Variants in LTBP4 observed in about 807,000 individuals in gnomAD.
LTBP4 encodes the protein latent transforming growth factor beta binding protein 4.
A neutral mutation model predicts 180.2 loss-of-function variants in LTBP4; 93 were observed. The ratio of observed to expected loss-of-function variants is 0.52; its 90% CI spans 0.44 to 0.61. The LOEUF is 0.61. Among genes scored for constraint, LTBP4 ranks in the 20% least tolerant of loss-of-function variants. The pLI is 0.00. For missense variants in LTBP4, 2,116 were observed against 2,256.5 expected (o/e 0.94, Z 1.26); for synonymous variants, 947 against 934.5 (o/e 1.01, Z -0.24).
At chr19:40,625,317 T>TATATATATATATATA (rs2081625536) in intron 26 of LTBP4, among the ~76,000 whole-genome samples, 1 of 38,136 alleles carries the variant, frequency 2.6e-5, no homozygotes, top group Non-Finnish European at 4.2e-5. Context: ...TATATATATA[T>TATATATATATATATA]TTTTTTTTTT....
chr19:40,617,566 C>T (rs553964890), intron 21 of LTBP4, among the ~76,000 whole-genome samples: 1 of 151,384 alleles, frequency 6.6e-6, no homozygotes, highest in East Asian at 1.9e-4. Context: ...ATTGCCTGAA[C>T]CCAAGAGGTG....
chr19:40,599,164 G>T (rs779042830), upstream of LTBP4: 1 of 1,579,162 alleles, frequency 6.3e-7, no homozygotes. Flanking sequence ...GGGGTGCTAG[G>T]GGCCTGAGTG....
rs993523285 is a variant in LTBP4 at position 40,605,646 on chromosome 19, A to C, written c.684A>C (p.Gly228=). Residue 228 remains glycine, a synonymous_variant, in exon 3 of 30, where the codon GGA becomes GGC. Transcript: ENST00000396819. This position sits in a 1 kb window ranked among gnomAD's most constrained non-coding sequence, Gnocchi z 5.5. ...GTTACTGCTTTCGGGAGCTGCGCGG[A>C]GGCGAAGTGAGAGGAGGCCCGTGGG... ...GFGYCFRELR[G]GECASPLPGL... 6.4e-7 allele frequency: 1 copy of C among 1,569,718 alleles called. No homozygotes were observed. The highest frequency in any genetic ancestry group is 8.6e-7 in the Non-Finnish European group (1 of 1,158,230).
chr19:40,605,903 GCCCTAGAT>G lies in LTBP4; in HGVS notation c.793+73_793+80del, dbSNP rs1358546720. 2 of 1,457,434 alleles carry G rather than the reference GCCCTAGAT, an allele frequency of 1.4e-6. No individual in the cohort carries two copies. Among genetic ancestry groups the G allele is most frequent in the Non-Finnish European group, 1.8e-6 (2 of 1,085,636 alleles). 90.3% of individuals were successfully genotyped at this position (1,457,434 alleles called of 1,614,324 possible). On this transcript the variant is annotated intron_variant, in intron 4 of 29. Coordinates refer to ENST00000396819, the MANE Select transcript of LTBP4 (RefSeq NM_001042545.2). The surrounding 1 kb of genome is among the most constrained non-coding windows in gnomAD (Gnocchi z 5.5). ...ACAACCTCACCGTTCCTCCTACTCT[GCCCTAGAT>G]AAACCCAGTTCACAAATTGTAGCCA...
At chr19:40,625,800 C>T in intron 26 of LTBP4, 57 bp from the exon 27 acceptor site, 1 of 1,450,890 alleles carries the variant, frequency 6.9e-7, no homozygotes, top group Non-Finnish European at 9.1e-7. Context: ...AAGGGTCCAG[C>T]CCCTGGGAGG....
upstream of LTBP4, chr19:40,597,304 G>T: frequency 6.6e-7 from 1 of 1,524,612 alleles, no homozygotes; most frequent in Non-Finnish European, 8.8e-7. Context: ...CTTCGCAGCC[G>T]CCACCTCCGC....
At position 40,613,485 on chromosome 19, in the gene LTBP4, G is replaced by C; in HGVS notation, c.2513G>C (p.Cys838Ser). 3.8e-6 allele frequency: 6 copies of C among 1,589,346 alleles called. No individual in the cohort carries two copies. Among genetic ancestry groups the C allele is most frequent in the Non-Finnish European group, 5.1e-6 (6 of 1,168,650 alleles). Residue 838 changes from cysteine to serine, a missense_variant, in exon 17 of 30, where the codon TGT becomes TCT. Transcript: ENST00000396819. This position sits in a 1 kb window ranked among gnomAD's most constrained non-coding sequence, Gnocchi z 5.0. Reference sequence around the variant, plus strand: ...ACTGACGGCTCCTTTGCCTGTACTTGTGCCCCTGGCTACCGACCCGGACCC... The same window carrying C: ...ACTGACGGCTCCTTTGCCTGTACTTCTGCCCCTGGCTACCGACCCGGACCC... ...LNTDGSFACT[C>S]APGYRPGPRG...
upstream of LTBP4, chr19:40,601,355 G>A: frequency 8.9e-7 from 1 of 1,117,742 alleles, no homozygotes; most frequent in South Asian, 4.2e-5. Context: ...GGCGGGCTGG[G>A]GCGGCGGCGC....
rs1012178133 is a variant in LTBP4 at position 40,610,909 on chromosome 19, C to T, written c.1811-243C>T. ...GAGGAGGGATGGAGATGTCAGTAAT[C>T]GGGTAAGGGGAGCAGAGTTATGGAG... On this transcript the variant is annotated intron_variant, in intron 12 of 29. Transcript: ENST00000396819. The T allele has an allele frequency of 1.5e-5, 11 of 712,524 alleles. No individual in the cohort carries two copies. The Admixed American group carries it at 1.8e-4, about 12-fold the overall frequency. The allele number at this position is 712,524 out of a possible 1,614,324, so 44.1% of individuals were successfully genotyped here.
Position 40,611,162 on chromosome 19 carries a change from A to C in LTBP4, c.1821A>C (p.Glu607Asp). 1 of 1,612,744 alleles carries C rather than the reference A, an allele frequency of 6.2e-7. No individual in the cohort carries two copies. Among genetic ancestry groups the C allele is most frequent in the Non-Finnish European group, 8.5e-7 (1 of 1,179,464 alleles). The change falls in exon 13 of 30, where the codon GAA becomes GAC. Residue 607 changes from glutamate to aspartate, a missense_variant. Physicochemically the swap from Glu to Asp is conservative, Grantham distance 45. This residue lies in a region of LTBP4 where 877 missense variants were observed against 873.6 expected (regional missense o/e 1.00). Transcript: ENST00000396819. This position sits in a 1 kb window ranked among gnomAD's most constrained non-coding sequence, Gnocchi z 4.4. ...PHGASCQDVDECTQSPGLCGR... is the reference protein window; with the variant it reads ...PHGASCQDVDDCTQSPGLCGR... ...CCCTGCCCTGTGCAGATGTGGATGA[A>C]TGCACCCAGAGCCCAGGCCTGTGTG...
chr19:40,620,906 C>T (rs2081582215), intron 22 of LTBP4, among the ~76,000 whole-genome samples: 1 of 151,884 alleles, frequency 6.6e-6, no homozygotes, highest in South Asian at 2.1e-4. Flanking sequence ...ACAAATGATC[C>T]CGTCACCCAG....
At position 40,613,376 on chromosome 19, in the gene LTBP4, A is replaced by G; in HGVS notation, c.2432-28A>G. The G allele has an allele frequency of 1.3e-6, 2 of 1,598,684 alleles. No homozygotes were observed. The highest frequency in any genetic ancestry group is 1.7e-6 in the Non-Finnish European group (2 of 1,174,054). ...CTTGTCTGGGAGGCCGGGTCCCGTGACTCCGCCCAATCTCCCGCGTACCCT... is the reference window on the plus strand; with the variant it reads ...CTTGTCTGGGAGGCCGGGTCCCGTGGCTCCGCCCAATCTCCCGCGTACCCT... On this transcript the variant is annotated intron_variant, in intron 16 of 29. Transcript: ENST00000396819. This position sits in a 1 kb window ranked among gnomAD's most constrained non-coding sequence, Gnocchi z 5.0.
rs73931324 is a variant in LTBP4 at position 40,605,889 on chromosome 19, G to A, written c.793+58G>A. On this transcript the variant is annotated intron_variant, in intron 4 of 29. Coordinates refer to ENST00000396819, the MANE Select transcript of LTBP4 (RefSeq NM_001042545.2). This position sits in a 1 kb window ranked among gnomAD's most constrained non-coding sequence, Gnocchi z 5.5. ...GCTGGGGAGTGGTGACAACCTCACC[G>A]TTCCTCCTACTCTGCCCTAGATAAA... The A allele has an allele frequency of 4.6e-3, 6,870 of 1,494,108 alleles. 237 individuals carry two copies. In the African/African-American group the frequency reaches 0.081, roughly 18 times the overall value. The allele number at this position is 1,494,108 out of a possible 1,614,324, so 92.6% of individuals were successfully genotyped here.
At chr19:40,610,438 G>C (rs2081497147) in intron 11 of LTBP4, 94 bp from the exon 12 acceptor site, 5 of 1,440,976 alleles carry the variant, frequency 3.5e-6, no homozygotes, top group Non-Finnish European at 4.7e-6. Flanking sequence ...GCCCAAGCTT[G>C]GTCCCGCTCC....
intron 19 of LTBP4, among the ~76,000 whole-genome samples, chr19:40,616,345 C>G (rs1221522662): frequency 6.7e-6 from 1 of 148,544 alleles, no homozygotes; most frequent in East Asian, 2.0e-4. Context: ...AATCCCAGCA[C>G]TTTGGAAGGC....
chr19:40,601,336 G>A, upstream of LTBP4: 1 of 1,001,264 alleles, frequency 1.0e-6, no homozygotes. Flanking sequence ...GGTGCGGCCG[G>A]GCCCCTCGGG....
upstream of LTBP4, chr19:40,600,248 A>C: frequency 1.1e-6 from 1 of 904,390 alleles, no homozygotes; most frequent in Non-Finnish European, 1.5e-6. The surrounding 1 kb of genome is among the most constrained non-coding windows in gnomAD (Gnocchi z 4.4). Flanking sequence ...TCTGGTTCCC[A>C]CGGTCCAGCC....
At chr19:40,623,044 C>A (rs1344784626) in intron 24 of LTBP4, 23 bp downstream of exon 24, 8 of 1,580,024 alleles carry the variant, frequency 5.1e-6, no homozygotes, top group Non-Finnish European at 5.2e-6. Flanking sequence ...TTTGACCCTC[C>A]ACCCCACTCA....
At position 40,622,239 on chromosome 19, in the gene LTBP4, G is replaced by C. The variant is rs1054763170; in HGVS notation, c.3218-162G>C. ...ACAGGAGGTGACAGTGGGAGAAAGA[G>C]AAACAGTGACAGAGGAGCGTGAGAG... On this transcript the variant is annotated intron_variant, in intron 22 of 29. Transcript: ENST00000396819. The surrounding 1 kb of genome is among the most constrained non-coding windows in gnomAD (Gnocchi z 5.1). 1 of 729,478 alleles carries C rather than the reference G, an allele frequency of 1.4e-6. No homozygotes were observed. The highest frequency in any genetic ancestry group is 2.1e-6 in the Non-Finnish European group (1 of 469,382). 45.2% of individuals were successfully genotyped at this position (729,478 alleles called of 1,614,324 possible).
Sources: gnomAD v4.1 joint callset for allele counts (sites outside exome capture counted in the v4.1 genomes callset) on GRCh38, gnomAD v4.1.1 for gene constraint, gnomAD v4.1.1 regional missense constraint, Gnocchi (gnomAD v3.1) non-coding constraint, MANE v1.5 for transcripts, NCBI Gene and HGNC (gene_info 2026-07-23, HGNC 2026-07-21) for gene names.